Variants in NFIL3 observed in about 807,000 individuals in gnomAD.
NFIL3 encodes the protein nuclear factor interleukin-3-regulated protein.
NFIL3 carries 5 observed loss-of-function variants against 10.0 expected under a neutral mutation model. That is an observed-to-expected ratio of 0.50 (90% CI 0.26 to 1.06). NFIL3 has a LOEUF of 1.06. NFIL3 is among the 50% of genes least tolerant of loss of function. The probability of loss-of-function intolerance (pLI) is 0.13; values close to 1 mark genes in which losing one functional copy is unlikely to be tolerated. For synonymous variants in NFIL3, 202 were observed against 206.5 expected, an observed-to-expected ratio of 0.98 and a Z score of 0.19; for missense variants, 436 against 547.6, an observed-to-expected ratio of 0.80 and a Z score of 2.03.
At chr9:91,454,653 GA>G in the NFIL3 span, among the ~76,000 whole-genome samples, 1 of 152,254 alleles carries the variant, frequency 6.6e-6, no homozygotes, top group Middle Eastern at 3.4e-3. Context: ...CCAACATGGT[GA>G]AACCCCGTCT....
chr9:91,423,346 T>C (rs1230517140), intron 1 of NFIL3, among the ~76,000 whole-genome samples: 5 of 152,060 alleles, frequency 3.3e-5, no homozygotes, highest in Non-Finnish European at 7.4e-5. Flanking sequence ...TTTCCTGAAA[T>C]CAGGAGACAT....
chr9:91,458,321 G>A, the NFIL3 span, among the ~76,000 whole-genome samples: 1 of 152,048 alleles, frequency 6.6e-6, no homozygotes, highest in African/African-American at 2.4e-5. Flanking sequence ...TTCATTATGA[G>A]ATTCAGGGCT....
chr9:91,433,950 A>G, the NFIL3 span, among the ~76,000 whole-genome samples: 6 of 152,176 alleles, frequency 3.9e-5, no homozygotes, highest in African/African-American at 9.7e-5. Context: ...GCTAGTCTAC[A>G]TAAAGAAAAC....
At chr9:91,412,478 G>A (rs368353814) in intron 1 of NFIL3, among the ~76,000 whole-genome samples, 23 of 152,148 alleles carry the variant, frequency 1.5e-4, no homozygotes, top group Middle Eastern at 3.4e-3. Context: ...AATATTTTTC[G>A]TTAAATAGAC....
chr9:91,418,970 G>A (rs1587966571), intron 1 of NFIL3, among the ~76,000 whole-genome samples: 4 of 151,842 alleles, frequency 2.6e-5, no homozygotes, highest in Non-Finnish European at 5.9e-5. Context: ...TAATGTCTGT[G>A]ATCAAAGGTC....
chr9:91,463,662 G>A, the NFIL3 span, among the ~76,000 whole-genome samples: 4 of 152,080 alleles, frequency 2.6e-5, no homozygotes, highest in African/African-American at 7.2e-5. Context: ...CTTTTATAAA[G>A]ATAAATTAGA....
chr9:91,440,107 A>C, the NFIL3 span, among the ~76,000 whole-genome samples: 2 of 152,088 alleles, frequency 1.3e-5, no homozygotes, highest in Admixed American at 6.5e-5. Context: ...TCCTCTTTGA[A>C]TGTTTGGTAG....
the NFIL3 span, among the ~76,000 whole-genome samples, chr9:91,473,454 C>T: frequency 1.3e-5 from 2 of 152,244 alleles, no homozygotes; most frequent in South Asian, 2.1e-4. Flanking sequence ...CCTGGCAGTT[C>T]AATCTCAGAC....
At chr9:91,437,358 C>T in the NFIL3 span, among the ~76,000 whole-genome samples, 1 of 152,074 alleles carries the variant, frequency 6.6e-6, no homozygotes, top group Non-Finnish European at 1.5e-5. Flanking sequence ...ACAAAATTTG[C>T]CTGTTGACCA....
At chr9:91,434,266 T>A in the NFIL3 span, among the ~76,000 whole-genome samples, 5 of 152,094 alleles carry the variant, frequency 3.3e-5, no homozygotes, top group Non-Finnish European at 5.9e-5. Context: ...CAATGGAACA[T>A]AATATGCTTC....
chr9:91,425,877 A>G (rs558049169), upstream of NFIL3, among the ~76,000 whole-genome samples: 4 of 152,292 alleles, frequency 2.6e-5, no homozygotes, highest in South Asian at 2.1e-4. Flanking sequence ...AATCATATCC[A>G]TATTAGTTGC....
chr9:91,410,291 G>A lies in NFIL3; in HGVS notation c.444C>T (p.Tyr148=), dbSNP rs1833520116. 6.2e-7 allele frequency: 1 copy of A among 1,614,172 alleles called. No individual in the cohort carries two copies. The highest frequency in any genetic ancestry group is 8.5e-7 in the Non-Finnish European group (1 of 1,180,038). Reference sequence around the variant, plus strand: ...ATTTGGAAGTCTGGTAATCTTGAAAGTACACAGCTGTAGAATTACTGAGTT... The same window carrying A: ...ATTTGGAAGTCTGGTAATCTTGAAAATACACAGCTGTAGAATTACTGAGTT... The part of the protein sequence containing the change: ...IQKLSNSTAV[Y]FQDYQTSKSN... The change falls in exon 2 of 2, where the codon TAC becomes TAT. Residue 148 remains tyrosine, a synonymous_variant. Coordinates refer to ENST00000297689, the MANE Select transcript of NFIL3 (RefSeq NM_005384.3). The surrounding 1 kb of genome is among the most constrained non-coding windows in gnomAD (Gnocchi z 5.7).
the NFIL3 span, among the ~76,000 whole-genome samples, chr9:91,479,545 C>T: frequency 6.6e-6 from 1 of 152,160 alleles, no homozygotes; most frequent in Non-Finnish European, 1.5e-5. Context: ...GTCCTGGTAG[C>T]GAGAATTTCA....
upstream of NFIL3, among the ~76,000 whole-genome samples, chr9:91,426,045 G>A (rs752412535): frequency 5.9e-5 from 9 of 152,116 alleles, no homozygotes; most frequent in Non-Finnish European, 1.3e-4. Flanking sequence ...AAGACAACTC[G>A]ACCTTCAAGA....
the NFIL3 span, among the ~76,000 whole-genome samples, chr9:91,470,122 G>T: frequency 6.6e-6 from 1 of 152,098 alleles, no homozygotes; most frequent in Non-Finnish European, 1.5e-5. Flanking sequence ...GCTCCTTTTT[G>T]TACCTCTGGC....
the NFIL3 span, among the ~76,000 whole-genome samples, chr9:91,445,740 C>A: frequency 7.9e-4 from 121 of 152,264 alleles, 1 homozygote; most frequent in African/African-American, 2.8e-3. Flanking sequence ...GGAGATGCAA[C>A]TGCCAGAGGT....
At position 91,410,719 on chromosome 9, in the gene NFIL3, T is replaced by C; in HGVS notation, c.16A>G (p.Met6Val). The change falls in exon 2 of 2, where the codon ATG (methionine) becomes GTG (valine). Residue 6 changes from methionine to valine, a missense_variant. Transcript: ENST00000297689. This position sits in a 1 kb window ranked among gnomAD's most constrained non-coding sequence, Gnocchi z 5.7. MQLRK[M>V]QTVKKEQASL... is the part of the protein sequence containing the mutation. ...GCCTGCTCCTTTTTGACGGTCTGCA[T>C]TTTTCTCAGCTGCATCAGAAACAAC... The C allele has an allele frequency of 6.3e-7, 1 of 1,593,660 alleles. No homozygotes were observed.
chr9:91,448,889 G>T, the NFIL3 span, among the ~76,000 whole-genome samples: 1 of 152,000 alleles, frequency 6.6e-6, no homozygotes, highest in African/African-American at 2.4e-5. Context: ...CATTAATTTT[G>T]GTCCTAATTT....
chr9:91,422,626 G>C (rs746818993), intron 1 of NFIL3, among the ~76,000 whole-genome samples: 6 of 152,188 alleles, frequency 3.9e-5, no homozygotes, highest in Admixed American at 2.0e-4. Flanking sequence ...AAACTATTAT[G>C]TGATTTGTCT....
Sources: allele counts gnomAD v4.1 joint callset (sites outside exome capture counted in the v4.1 genomes callset), GRCh38; gene constraint gnomAD v4.1.1; non-coding constraint Gnocchi (gnomAD v3.1); transcripts MANE v1.5; gene names NCBI Gene and HGNC (gene_info 2026-07-23, HGNC 2026-07-21).